YJU2B: variants seen among roughly 807,000 people sequenced by gnomAD.
YJU2B encodes YJU2 splicing factor homolog B.
A neutral mutation model predicts 38.0 loss-of-function variants in YJU2B; 18 were observed. The ratio of observed to expected loss-of-function variants is 0.47; its 90% CI spans 0.33 to 0.70. YJU2B has a LOEUF of 0.70. Among genes scored for constraint, YJU2B ranks in the 30% least tolerant of loss-of-function variants. YJU2B has a pLI of 0.02. For synonymous variants in YJU2B, 246 were observed against 225.4 expected (o/e 1.09, Z -0.82); for missense variants, 538 against 556.3 (o/e 0.97, Z 0.33).
chr19:13,751,199 T>C (rs1033719220), intron 1 of YJU2B, among the ~76,000 whole-genome samples: 2 of 151,996 alleles, frequency 1.3e-5, no homozygotes, highest in Non-Finnish European at 2.9e-5. Context: ...GGGTGGATCA[T>C]GAGGTAAAGA....
At chr19:13,736,254 C>CTTTTTT (rs60385996) in intron 2 of YJU2B, among the ~76,000 whole-genome samples, 24 of 104,220 alleles carry the variant, frequency 2.3e-4, no homozygotes, top group African/African-American at 4.3e-4. Context: ...TTCTTTCTTT[C>CTTTTTT]TTTTTTTTTT....
At chr19:13,733,360 C>T (rs1360641421) in intron 2 of YJU2B, among the ~76,000 whole-genome samples, 1 of 152,142 alleles carries the variant, frequency 6.6e-6, no homozygotes, top group Non-Finnish European at 1.5e-5. Flanking sequence ...GGGGCCGGAT[C>T]ATTCTTTGTA....
At chr19:13,758,717 T>A in intron 6 of YJU2B, 151 bp from the exon 7 acceptor site, 1 of 848,894 alleles carries the variant, frequency 1.2e-6, no homozygotes, top group Non-Finnish European at 1.8e-6. Context: ...GATGTGCCCC[T>A]TTTTGCCCGT....
chr19:13,743,686 A>C (rs533959118), upstream of YJU2B, among the ~76,000 whole-genome samples: 2 of 145,420 alleles, frequency 1.4e-5, no homozygotes, highest in Admixed American at 7.0e-5. Context: ...TGAGGTCAGG[A>C]GTTCGAGACC....
chr19:13,749,621 A>G (rs1973378241), intron 1 of YJU2B, among the ~76,000 whole-genome samples: 1 of 149,942 alleles, frequency 6.7e-6, no homozygotes, highest in Non-Finnish European at 1.5e-5. Context: ...AGTGTAAACT[A>G]GAACTTCTTT....
Position 13,763,055 on chromosome 19 carries a change from C to T in YJU2B, c.1178C>T (p.Ser393Leu), listed in dbSNP as rs749425586. Residue 393 changes from serine to leucine, a missense_variant, in exon 10 of 10, where the codon TCG becomes TTG. By Grantham distance (145) the Ser-to-Leu change is moderately radical (BLOSUM62 -2). This residue lies in a region of YJU2B where 488 missense variants were observed against 469.5 expected (regional missense o/e 1.04). Coordinates refer to ENST00000221554, the MANE Select transcript of YJU2B (RefSeq NM_030818.4). ...GSSLVADYSDSESE is the reference protein window; with the variant it reads ...GSSLVADYSDLESE Reference sequence around the variant, plus strand: ...TCCCTCGTGGCGGACTACTCCGACTCGGAGAGTGAGTGAGCGATCCCCATC... The same window carrying T: ...TCCCTCGTGGCGGACTACTCCGACTTGGAGAGTGAGTGAGCGATCCCCATC... 6 of 1,555,524 alleles carry T rather than the reference C, an allele frequency of 3.9e-6. No individual in the cohort carries two copies. The highest frequency in any genetic ancestry group is 2.3e-5 in the East Asian group (1 of 44,340).
upstream of YJU2B, among the ~76,000 whole-genome samples, chr19:13,742,919 C>T (rs1034792744): frequency 2.6e-5 from 4 of 152,184 alleles, no homozygotes; most frequent in African/African-American, 7.2e-5. Flanking sequence ...CTCCCTACAG[C>T]ACACCCCCCA....
At chr19:13,734,447 C>A (rs150690591) in intron 2 of YJU2B, among the ~76,000 whole-genome samples, 3 of 152,072 alleles carry the variant, frequency 2.0e-5, no homozygotes, top group Non-Finnish European at 4.4e-5. Context: ...CACACCACCA[C>A]GTCTGGCTAT....
Position 13,751,787 on chromosome 19 carries a change from G to A in YJU2B, c.-22G>A. The stretch of plus-strand genomic sequence containing the variant: ...TTCTGATCGTCCGCCCCGAGGCTGA[G>A]GACCAGTAGGCAGCTCCCAAGATGG... On this transcript the variant is annotated 5_prime_UTR_variant, in exon 2 of 10. Transcript: ENST00000221554. 1 of 1,614,074 alleles carries A rather than the reference G, an allele frequency of 6.2e-7. No individual in the cohort carries two copies. Among genetic ancestry groups the A allele is most frequent in the Non-Finnish European group, 8.5e-7 (1 of 1,179,928 alleles).
chr19:13,754,839 C>G (rs537522146), intron 3 of YJU2B, among the ~76,000 whole-genome samples: 9 of 152,106 alleles, frequency 5.9e-5, no homozygotes, highest in African/African-American at 1.9e-4. Context: ...CCATCTCCCC[C>G]GCTAGAACAT....
At chr19:13,744,233 A>G (rs372007256), upstream of YJU2B, among the ~76,000 whole-genome samples, 7 of 152,298 alleles carry the variant, frequency 4.6e-5, no homozygotes, top group South Asian at 2.1e-4. Context: ...CTGATTTGCA[A>G]TGGATTAAGG....
intron 8 of YJU2B, among the ~76,000 whole-genome samples, chr19:13,760,642 G>T (rs1038560228): frequency 6.6e-6 from 1 of 151,758 alleles, no homozygotes; most frequent in Non-Finnish European, 1.5e-5. Flanking sequence ...TGCCCAGGCT[G>T]GAGTACAGCG....
intron 2 of YJU2B, among the ~76,000 whole-genome samples, chr19:13,752,224 C>T (rs1973494638): frequency 6.7e-6 from 1 of 149,328 alleles, no homozygotes; most frequent in South Asian, 2.2e-4. Flanking sequence ...ATTTCCCCTT[C>T]CCCCTTTCCC....
chr19:13,759,305 A>G, intron 8 of YJU2B, 33 bp downstream of exon 8: 1 of 1,559,106 alleles, frequency 6.4e-7, no homozygotes, highest in Non-Finnish European at 8.7e-7. Context: ...GTCAGAGAGG[A>G]TGCATGGTGG....
At chr19:13,741,264 C>T (rs768194683) in intron 2 of YJU2B, among the ~76,000 whole-genome samples, 1 of 151,112 alleles carries the variant, frequency 6.6e-6, no homozygotes, top group Non-Finnish European at 1.5e-5. Context: ...AAGTGATTCT[C>T]CTGCCTCAGC....
intron 2 of YJU2B, among the ~76,000 whole-genome samples, chr19:13,735,793 C>T (rs1972927557): frequency 6.6e-6 from 1 of 152,040 alleles, no homozygotes; most frequent in Non-Finnish European, 1.5e-5. Flanking sequence ...TGGCTCACGC[C>T]TGTAATCCCA....
At chr19:13,737,890 C>T (rs1972996542) in intron 2 of YJU2B, among the ~76,000 whole-genome samples, 1 of 152,100 alleles carries the variant, frequency 6.6e-6, no homozygotes, top group Admixed American at 6.6e-5. Flanking sequence ...ATAAATGAGA[C>T]AGTTTTCCAA....
chr19:13,749,632 C>CTTTTTTT (rs71170557), intron 1 of YJU2B, among the ~76,000 whole-genome samples: 6 of 130,332 alleles, frequency 4.6e-5, no homozygotes, highest in Non-Finnish European at 3.2e-5. Context: ...GAACTTCTTT[C>CTTTTTTT]TTTTTTTTTT....
At chr19:13,756,504 GCTGGGCTGGGCTAGGCTGGCCTGAT>G (rs1436372979) in intron 4 of YJU2B, among the ~76,000 whole-genome samples, 1 of 152,174 alleles carries the variant, frequency 6.6e-6, no homozygotes, top group South Asian at 2.1e-4. Flanking sequence ...GAAGAGCTTG[GCTGGGCTGGGCTAGGCTGGCCTGAT>G]CTGGGCTGGG....
Sources: allele counts gnomAD v4.1 joint callset (sites outside exome capture counted in the v4.1 genomes callset), GRCh38; gene constraint gnomAD v4.1.1; regional missense constraint gnomAD v4.1.1; transcripts MANE v1.5; gene names NCBI Gene and HGNC (gene_info 2026-07-23, HGNC 2026-07-21).